LIPI: variants seen among roughly 807,000 people sequenced by gnomAD.
LIPI encodes the protein lipase member I.
In LIPI, 59 loss-of-function variants were observed where a neutral mutation model predicts 50.6. The ratio of observed to expected loss-of-function variants is 1.16; its 90% CI spans 0.94 to 1.45. The LOEUF is 1.45. Ranked by LOEUF, LIPI falls within the 40% of genes most tolerant of loss-of-function variation. The pLI is 0.00. For missense variants in LIPI, 586 were observed against 536.3 expected (o/e 1.09, Z -0.92); for synonymous variants, 203 against 178.2 (o/e 1.14, Z -1.11).
intron 1 of LIPI, among the ~76,000 whole-genome samples, chr21:14,206,578 CT>C (rs35027455): frequency 0.39 from 58,983 of 151,074 alleles, 11,630 homozygotes; most frequent in Non-Finnish European, 0.42. Flanking sequence ...AGATTTAACC[CT>C]TTTTTTTTCT....
At chr21:14,145,733 G>T (rs1160477316) in intron 8 of LIPI, among the ~76,000 whole-genome samples, 1 of 152,134 alleles carries the variant, frequency 6.6e-6, no homozygotes, top group East Asian at 1.9e-4. Flanking sequence ...TAAAAAATCA[G>T]TTCAAAGAAG....
chr21:14,157,567 G>A (rs543989858), intron 7 of LIPI, among the ~76,000 whole-genome samples: 1 of 151,942 alleles, frequency 6.6e-6, no homozygotes, highest in South Asian at 2.1e-4. Context: ...AAAAGCAACA[G>A]AGTATAAAAT....
intron 9 of LIPI, among the ~76,000 whole-genome samples, chr21:14,129,474 G>A (rs2017198586): frequency 6.6e-6 from 1 of 151,640 alleles, no homozygotes; most frequent in African/African-American, 2.4e-5. Context: ...TAATTTTCAG[G>A]ATTTCAAACT....
At chr21:14,173,731 T>C (rs529794864) in intron 4 of LIPI, among the ~76,000 whole-genome samples, 1 of 151,984 alleles carries the variant, frequency 6.6e-6, no homozygotes, top group Admixed American at 6.6e-5. Flanking sequence ...AATGAGTTGT[T>C]AGTAGCACAT....
chr21:14,109,154 TTAA>T, intron 9 of LIPI, 74 bp from the exon 10 acceptor site: 1 of 1,193,590 alleles, frequency 8.4e-7, no homozygotes, highest in Non-Finnish European at 1.2e-6. Context: ...CCTTCTCTCA[TTAA>T]TATTAGAATA....
At chr21:14,196,138 T>TTA (rs2019837317) in intron 1 of LIPI, among the ~76,000 whole-genome samples, 2 of 141,222 alleles carry the variant, frequency 1.4e-5, no homozygotes, top group Admixed American at 1.5e-4. Context: ...TTTTTTTTTT[T>TTA]ACATGACACC....
At chr21:14,134,909 C>A (rs1047367469) in intron 9 of LIPI, among the ~76,000 whole-genome samples, 1 of 151,970 alleles carries the variant, frequency 6.6e-6, no homozygotes, top group Non-Finnish European at 1.5e-5. Flanking sequence ...TCCTCAAAAG[C>A]AAATGCAAAG....
chr21:14,196,229 G>A (rs1275816576), intron 1 of LIPI, among the ~76,000 whole-genome samples: 1 of 148,072 alleles, frequency 6.8e-6, no homozygotes, highest in Non-Finnish European at 1.5e-5. Context: ...ATACTACCCA[G>A]CAATAAAAAG....
At chr21:14,170,559 T>G (rs555521111) in intron 4 of LIPI, among the ~76,000 whole-genome samples, 2 of 152,178 alleles carry the variant, frequency 1.3e-5, no homozygotes, top group Non-Finnish European at 2.9e-5. Context: ...GCTGGTTCAA[T>G]ATACGCAAAT....
At position 14,179,569 on chromosome 21, in the gene LIPI, T is replaced by C. The variant is rs540534718; in HGVS notation, c.643+2189A>G. Reference sequence around the variant, plus strand: ...CTAAGTCAAAAGGCCATAGGCAGAATTGAAGTTAGTGTTGCAGGAAGTCAG... The same window carrying C: ...CTAAGTCAAAAGGCCATAGGCAGAACTGAAGTTAGTGTTGCAGGAAGTCAG... On this transcript the variant is annotated intron_variant, in intron 4 of 9. Coordinates refer to ENST00000681601, the MANE Select transcript of LIPI (RefSeq NM_001302998.2). Among the ~76,000 whole-genome samples, 13 of 152,246 alleles carry C rather than the reference T, an allele frequency of 8.5e-5. No individual in the cohort carries two copies. The South Asian group carries it at 2.7e-3, about 32-fold the overall frequency.
At chr21:14,109,559 A>G (rs2016322173) in intron 9 of LIPI, among the ~76,000 whole-genome samples, 1 of 152,062 alleles carries the variant, frequency 6.6e-6, no homozygotes, top group Non-Finnish European at 1.5e-5. Flanking sequence ...TTTATATTTA[A>G]TATTTCAAGC....
In LIPI at chr21:14,185,958, T is replaced by C; in HGVS notation, c.541+3A>G. ...AGCAATAATTTTATAAAAATAATTT[T>C]ACCTGTTATTCTTCCAAGTTGACCA... is the stretch of plus-strand genomic sequence containing the variant. On this transcript the variant is annotated splice_donor_region_variant and intron_variant, in intron 3 of 9. Transcript: ENST00000681601. 3 of 1,421,260 alleles carry C rather than the reference T, an allele frequency of 2.1e-6. No homozygotes were observed. The highest frequency in any genetic ancestry group is 3.0e-6 in the Non-Finnish European group (3 of 1,005,918). 88.0% of individuals were successfully genotyped at this position (1,421,260 alleles called of 1,614,324 possible).
intron 9 of LIPI, among the ~76,000 whole-genome samples, chr21:14,136,417 C>A (rs1204585296): frequency 1.1e-4 from 16 of 152,152 alleles, no homozygotes; most frequent in Non-Finnish European, 5.9e-5. Flanking sequence ...GGGAAAATCA[C>A]TGGTAGTCTG....
chr21:14,149,125 G>A (rs889975200), intron 8 of LIPI, among the ~76,000 whole-genome samples: 1 of 152,138 alleles, frequency 6.6e-6, no homozygotes, highest in East Asian at 1.9e-4. Context: ...AAGAAAAGAG[G>A]TTCAACTGAC....
intron 9 of LIPI, among the ~76,000 whole-genome samples, chr21:14,116,001 C>G (rs979468415): frequency 3.0e-5 from 4 of 132,830 alleles, no homozygotes; most frequent in Admixed American, 7.3e-5. Flanking sequence ...TTTGCCACCC[C>G]AACTGGGAGT....
intron 4 of LIPI, among the ~76,000 whole-genome samples, chr21:14,170,235 C>A (rs557795120): frequency 3.7e-4 from 56 of 152,198 alleles, no homozygotes; most frequent in Non-Finnish European, 5.3e-4. Flanking sequence ...GCTTACCAAC[C>A]AAAAAGAGTC....
intron 4 of LIPI, among the ~76,000 whole-genome samples, chr21:14,176,094 C>A (rs431101): frequency 1.3e-5 from 2 of 150,122 alleles, no homozygotes; most frequent in African/African-American, 4.9e-5. Context: ...AGGAGAATGG[C>A]GTGAACCCGG....
intron 9 of LIPI, among the ~76,000 whole-genome samples, chr21:14,111,999 C>T (rs911565169): frequency 2.0e-5 from 3 of 152,062 alleles, no homozygotes; most frequent in African/African-American, 7.2e-5. Context: ...TCGCATCCCT[C>T]TCCCACACTA....
In LIPI at chr21:14,152,592, CA is replaced by C; in HGVS notation, c.1098del (p.Ile366MetfsTer30). ...SFKLLNQLGMIEEPRLYEKNK... is the reference protein window; with the variant it reads ...SFKLLNQLGMXEEPRLYEKNK... ...ACTTACTCATAAAGCCTTGGCTCTTCAATCATTCCAAGCTGATTTAATAATT... is the reference window on the plus strand; with the variant it reads ...ACTTACTCATAAAGCCTTGGCTCTTCATCATTCCAAGCTGATTTAATAATT... On this transcript the variant is annotated frameshift_variant, in exon 8 of 10. Transcript: ENST00000681601. LOFTEE classifies it high-confidence loss of function. The C allele has an allele frequency of 1.3e-6, 2 of 1,571,236 alleles. No individual in the cohort carries two copies. Among genetic ancestry groups the C allele is most frequent in the Non-Finnish European group, 1.7e-6 (2 of 1,143,098 alleles).
Sources: allele counts gnomAD v4.1 joint callset (sites outside exome capture counted in the v4.1 genomes callset), GRCh38; gene constraint gnomAD v4.1.1; transcripts MANE v1.5; gene names NCBI Gene and HGNC (gene_info 2026-07-23, HGNC 2026-07-21).